Variants in SPDYE3 observed in about 807,000 individuals in gnomAD.
The protein encoded by SPDYE3 is speedy protein E3.
Under a neutral mutation model 55.0 loss-of-function variants are expected in SPDYE3, and 15 were observed. The ratio of observed to expected loss-of-function variants is 0.27; its 90% CI spans 0.18 to 0.42. The LOEUF is 0.42. Ranked by LOEUF, SPDYE3 falls within the 10% of genes least tolerant of loss-of-function variation. The probability of loss-of-function intolerance (pLI) is 1.00; values close to 1 mark genes in which losing one functional copy is unlikely to be tolerated. For synonymous variants in SPDYE3, 89 were observed against 229.9 expected, an observed-to-expected ratio of 0.39 and a Z score of 5.55; for missense variants, 236 against 576.7, an observed-to-expected ratio of 0.41 and a Z score of 6.05.
chr7:100,316,255 G>GC (rs1249627360), intron 7 of SPDYE3, among the ~76,000 whole-genome samples: 2 of 152,200 alleles, frequency 1.3e-5, no homozygotes, highest in African/African-American at 2.4e-5. Context: ...ACAGACGTCA[G>GC]CACTGTGTCC....
intron 2 of SPDYE3, among the ~76,000 whole-genome samples, chr7:100,309,736 AAAG>A (rs1805916402): frequency 7.1e-6 from 1 of 141,790 alleles, no homozygotes; most frequent in African/African-American, 2.6e-5. Flanking sequence ...AAAAAAAAAA[AAAG>A]AAGAAAAAAA....
intron 4 of SPDYE3, among the ~76,000 whole-genome samples, chr7:100,312,915 C>G (rs1257754906): frequency 6.7e-6 from 1 of 149,524 alleles, no homozygotes; most frequent in Non-Finnish European, 1.5e-5. Context: ...GAGCCAGGGA[C>G]CAGGGAACGA....
rs1176984446 is a variant in SPDYE3, at chr7:100,314,290, C to T, written c.983-242C>T. Among the ~76,000 whole-genome samples, 18 of 135,440 alleles carry T rather than the reference C, an allele frequency of 1.3e-4. 3 individuals are homozygous for T. The highest frequency in any genetic ancestry group is 4.9e-4 in the African/African-American group (18 of 36,678). The allele number at this position is 135,440 out of a possible 152,430, so 88.9% of individuals were successfully genotyped here. A position where few individuals can be genotyped will look rare whatever the true frequency, so the allele number is the denominator to read the frequency against. On this transcript the variant is annotated intron_variant, in intron 5 of 10. Transcript: ENST00000332397. The stretch of plus-strand genomic sequence containing the variant: ...TCTCGAAACAAAAAAAAAAAGAGGG[C>T]CTCAGAGAGCCAGGGACCAGGGAAC...
chr7:100,309,684 G>A (rs1327670090), intron 2 of SPDYE3, among the ~76,000 whole-genome samples: 1 of 120,632 alleles, frequency 8.3e-6, no homozygotes, highest in Non-Finnish European at 1.8e-5. Context: ...TCGTGCTACT[G>A]CACTCCAGTC....
intron 4 of SPDYE3, among the ~76,000 whole-genome samples, chr7:100,312,925 A>G (rs1805997175): frequency 6.6e-6 from 1 of 150,390 alleles, no homozygotes; most frequent in Non-Finnish European, 1.5e-5. Context: ...CCAGGGAACG[A>G]TATGTCGCAG....
chr7:100,320,137 C>T (rs888475463), intron 10 of SPDYE3, 102 bp downstream of exon 10: 60 of 1,542,750 alleles, frequency 3.9e-5, no homozygotes, highest in African/African-American at 9.6e-5. Flanking sequence ...GGCAACGTGG[C>T]GAGATATCCC....
rs201381694 is a variant in SPDYE3, at chr7:100,318,887, G to GTTATTTATTTAT, written c.1347-649_1347-638dup. On this transcript the variant is annotated intron_variant, in intron 8 of 10. Transcript: ENST00000332397. ...AGGGCTGTGCCACCACACCTGGACA[G>GTTATTTATTTAT]TTATTTATTTATTTATTTATTTATT... is the stretch of plus-strand genomic sequence containing the variant. Among the ~76,000 whole-genome samples, 297 of 140,662 alleles carry GTTATTTATTTAT rather than the reference G, an allele frequency of 2.1e-3. 1 individual carries two copies. Among genetic ancestry groups the GTTATTTATTTAT allele is most frequent in the East Asian group, 7.7e-3 (36 of 4,692 alleles). 92.3% of individuals were successfully genotyped at this position (140,662 alleles called of 152,430 possible).
intron 7 of SPDYE3, among the ~76,000 whole-genome samples, chr7:100,316,693 C>T (rs1186721140): frequency 1.3e-5 from 2 of 152,138 alleles, no homozygotes; most frequent in African/African-American, 4.8e-5. Context: ...CCTTTGGGAT[C>T]TGAGCCCTAG....
chr7:100,320,239 G>T, intron 10 of SPDYE3: 1 of 1,241,374 alleles, frequency 8.1e-7, no homozygotes, highest in South Asian at 1.5e-5. Context: ...GATCGCTGGA[G>T]CCTGGGAGGT....
chr7:100,308,382 G>A (rs1805879525), intron 1 of SPDYE3, among the ~76,000 whole-genome samples: 1 of 151,014 alleles, frequency 6.6e-6, no homozygotes, highest in African/African-American at 2.4e-5. Flanking sequence ...CAGAGGTCAG[G>A]AAGGAGAACC....
intron 5 of SPDYE3, 133 bp downstream of exon 5, chr7:100,313,491 GA>G: frequency 6.0e-6 from 5 of 837,276 alleles, no homozygotes; most frequent in Non-Finnish European, 7.3e-6. Context: ...ACTCTGAAGT[GA>G]TCACTCATGA....
chr7:100,320,854 T>C lies in SPDYE3; in HGVS notation c.*46-37T>C, dbSNP rs3194861. ...AATAACCTTCCTGTCTAGAGAGCTG[T>C]CTCCTTGAGGTGTGACATTGTCTCT... is the stretch of plus-strand genomic sequence containing the variant. On this transcript the variant is annotated intron_variant, in intron 10 of 10. Coordinates refer to ENST00000332397, the MANE Select transcript of SPDYE3 (RefSeq NM_001004351.5). 1.0e-5 allele frequency: 12 copies of C among 1,194,516 alleles called. No individual in the cohort carries two copies. The East Asian group carries it at 5.7e-4, about 56-fold the overall frequency. The allele number at this position is 1,194,516 out of a possible 1,614,324, so 74.0% of individuals were successfully genotyped here.
intron 10 of SPDYE3, chr7:100,320,570 G>C: frequency 1.0e-6 from 1 of 970,988 alleles, no homozygotes; most frequent in Non-Finnish European, 1.3e-6. Flanking sequence ...TGACACAAAA[G>C]ACCCTAGCTG....
At chr7:100,318,115 C>G (rs1220668535) in intron 8 of SPDYE3, among the ~76,000 whole-genome samples, 2 of 152,114 alleles carry the variant, frequency 1.3e-5, no homozygotes, top group African/African-American at 4.8e-5. Context: ...CTCTCTCCTT[C>G]CCACATCAAC....
intron 2 of SPDYE3, among the ~76,000 whole-genome samples, chr7:100,309,759 A>C (rs1449909207): frequency 6.9e-6 from 1 of 144,476 alleles, no homozygotes; most frequent in Admixed American, 6.9e-5. Flanking sequence ...AAGAAGGGTC[A>C]GAGGTCAGGA....
In SPDYE3 at chr7:100,321,835, AATAT is replaced by A. The variant is rs1304848974; in HGVS notation, c.*993_*996del. 2 of 134,898 alleles carry A rather than the reference AATAT, an allele frequency of 1.5e-5. No homozygotes were observed. The highest frequency in any genetic ancestry group is 6.6e-5 in the African/African-American group (2 of 30,278). The allele number at this position is 134,898 out of a possible 1,614,324, so 8.4% of individuals were successfully genotyped here. On this transcript the variant is annotated 3_prime_UTR_variant, in exon 11 of 11. Coordinates refer to ENST00000332397, the MANE Select transcript of SPDYE3 (RefSeq NM_001004351.5). Reference sequence around the variant, plus strand: ...ATTTTATTTATTTAAATATTTATTAAATATATTTATTTATTTAAATATTTATTAA... The same window carrying A: ...ATTTTATTTATTTAAATATTTATTAAATTTATTTATTTAAATATTTATTAA...
intron 8 of SPDYE3, among the ~76,000 whole-genome samples, chr7:100,317,901 G>A (rs1335069709): frequency 6.7e-6 from 1 of 149,400 alleles, no homozygotes; most frequent in Non-Finnish European, 1.5e-5. Flanking sequence ...GCGTGAACCT[G>A]GGAGGCGGAG....
At chr7:100,319,014 C>T (rs1400607383) in intron 8 of SPDYE3, among the ~76,000 whole-genome samples, 1 of 151,614 alleles carries the variant, frequency 6.6e-6, no homozygotes, top group Non-Finnish European at 1.5e-5. Flanking sequence ...TGGGTTCACA[C>T]AATTCTTATG....
At position 100,307,983 on chromosome 7, in the gene SPDYE3, G is replaced by A. The variant is rs774613064; in HGVS notation, c.98G>A (p.Gly33Glu). ...GAGGTGGTGGATGATGAAGTGTCGG[G>A]ACCATCAGGTGAGGGGACTGGAGGA... ...LQEVVDDEVSGPSAPGVDPSP... is the reference protein window; with the variant it reads ...LQEVVDDEVSEPSAPGVDPSP... The change falls in exon 1 of 11, where the codon GGA becomes GAA. Residue 33 changes from glycine to glutamate, a missense_variant. Coordinates refer to ENST00000332397, the MANE Select transcript of SPDYE3 (RefSeq NM_001004351.5). 65 of 1,555,104 alleles carry A rather than the reference G, an allele frequency of 4.2e-5. No individual in the cohort carries two copies. The highest frequency in any genetic ancestry group is 5.2e-5 in the Non-Finnish European group (60 of 1,158,316).
Sources: allele counts gnomAD v4.1 joint callset (sites outside exome capture counted in the v4.1 genomes callset), GRCh38; gene constraint gnomAD v4.1.1; transcripts MANE v1.5; gene names NCBI Gene and HGNC (gene_info 2026-07-23, HGNC 2026-07-21).